Variants in MORC2 observed in about 807,000 individuals in gnomAD.
MORC2 encodes ATPase MORC2.
A neutral mutation model predicts 136.0 loss-of-function variants in MORC2; 30 were observed. The ratio of observed to expected loss-of-function variants is 0.22; its 90% confidence interval spans 0.17 to 0.30. The LOEUF is 0.30. MORC2 is among the 10% of genes least tolerant of loss of function. The pLI is 1.00. For synonymous variants in MORC2, 439 were observed against 487.0 expected (o/e 0.90, Z 1.30); for missense variants, 922 against 1,333.1 (o/e 0.69, Z 4.80).
Position 30,926,550 on chromosome 22 carries a change from CAAAAAAAAAAAAAAAAAAAAAAAAAA to C in MORC2, c.*227_*252del. On this transcript the variant is annotated 3_prime_UTR_variant, in exon 26 of 26. Transcript: ENST00000397641. ...AAGGTTCTCTGTCCTTTGCAGTCACCAAAAAAAAAAAAAAAAAAAAAAAAAAAAAAAAAAAAGTATGGTCTCACAGG... is the reference window on the plus strand; with the variant it reads ...AAGGTTCTCTGTCCTTTGCAGTCACCAAAAAAAAAAGTATGGTCTCACAGG... 4.4e-5 allele frequency: 1 copy of C among 22,540 alleles called. No individual in the cohort carries two copies. Among genetic ancestry groups the C allele is most frequent in the Non-Finnish European group, 8.0e-5 (1 of 12,460 alleles). 1.4% of individuals were successfully genotyped at this position (22,540 alleles called of 1,614,324 possible).
At chr22:30,953,048 A>C (rs2040914429) in intron 3 of MORC2, among the ~76,000 whole-genome samples, 1 of 152,210 alleles carries the variant, frequency 6.6e-6, no homozygotes, top group South Asian at 2.1e-4. Flanking sequence ...TGATATTGAC[A>C]ACATCTGTGG....
chr22:30,963,175 A>C (rs955524053), intron 1 of MORC2: 13 of 281,262 alleles, frequency 4.6e-5, no homozygotes, highest in Admixed American at 6.5e-5. Flanking sequence ...ACGGGGTTTC[A>C]CCATGTTAAC....
In MORC2 at chr22:30,925,840, T is replaced by C. The variant is rs895698578; in HGVS notation, c.*963A>G. 2.0e-5 allele frequency: 3 copies of C among 153,382 alleles called. No individual in the cohort carries two copies. The highest frequency in any genetic ancestry group is 7.2e-5 in the African/African-American group (3 of 41,456). 9.5% of individuals were successfully genotyped at this position (153,382 alleles called of 1,614,324 possible). A position where few individuals can be genotyped will look rare whatever the true frequency, so the allele number is the denominator to read the frequency against. On this transcript the variant is annotated 3_prime_UTR_variant, in exon 26 of 26. Transcript: ENST00000397641. ...TGCAGAGATGCCTCTGGAGTCCCTGTGGCCACGGGATCTCACTGGCCCCCT... is the reference window on the plus strand; with the variant it reads ...TGCAGAGATGCCTCTGGAGTCCCTGCGGCCACGGGATCTCACTGGCCCCCT...
intron 1 of MORC2, among the ~76,000 whole-genome samples, chr22:30,960,829 T>G (rs1318382528): frequency 3.0e-5 from 4 of 133,874 alleles, no homozygotes; most frequent in South Asian, 2.4e-4. Flanking sequence ...AAAAAAAAAG[T>G]CCATAAAACA....
intron 5 of MORC2, among the ~76,000 whole-genome samples, chr22:30,949,380 G>A (rs932760517): frequency 6.6e-6 from 1 of 152,184 alleles, no homozygotes; most frequent in Non-Finnish European, 1.5e-5. Flanking sequence ...AGGGAACACT[G>A]CTGCACAGTA....
At chr22:30,927,020 T>C (rs2040494809) in intron 25 of MORC2, 149 bp from the exon 26 acceptor site, 1 of 620,514 alleles carries the variant, frequency 1.6e-6, no homozygotes, top group African/African-American at 1.8e-5. Flanking sequence ...CTGTCCTGTC[T>C]TAATCACTCT....
At chr22:30,950,353 C>CCCCAAAAAAAAAAAAAA in intron 4 of MORC2, 24 bp downstream of exon 4, 1 of 1,481,950 alleles carries the variant, frequency 6.7e-7, no homozygotes, top group Non-Finnish European at 9.4e-7. Flanking sequence ...CCCCACCCCC[C>CCCCAAAAAAAAAAAAAA]AAAACAATAA....
chr22:30,925,457 T>TG lies in MORC2; in HGVS notation c.*1345dup, dbSNP rs941674340. 1 of 160,376 alleles carries TG rather than the reference T, an allele frequency of 6.2e-6. No homozygotes were observed. The highest frequency in any genetic ancestry group is 1.4e-5 in the Non-Finnish European group (1 of 72,294). 9.9% of individuals were successfully genotyped at this position (160,376 alleles called of 1,614,324 possible). On this transcript the variant is annotated 3_prime_UTR_variant, in exon 26 of 26. Coordinates refer to ENST00000397641, the MANE Select transcript of MORC2 (RefSeq NM_001303256.3). The stretch of plus-strand genomic sequence containing the variant: ...AAACCCACCAGACAGGCACATCCAG[T>TG]GGGGAAAAGACTTCCCATTCCAGTG...
chr22:30,958,239 T>C (rs1260118095), intron 2 of MORC2, among the ~76,000 whole-genome samples: 2 of 152,210 alleles, frequency 1.3e-5, no homozygotes, highest in Admixed American at 6.5e-5. Flanking sequence ...CACAGAACTT[T>C]GGCATAGTTT....
intron 3 of MORC2, 82 bp downstream of exon 3, chr22:30,956,681 A>G (rs2040972091): frequency 8.6e-7 from 1 of 1,159,402 alleles, no homozygotes; most frequent in African/African-American, 1.6e-5. Context: ...GAATCCAGTT[A>G]TTTCCCACTC....
intron 4 of MORC2, 41 bp downstream of exon 4, chr22:30,950,336 C>CGGGGGGGGGGGGGG: frequency 1.3e-6 from 1 of 764,020 alleles, no homozygotes; most frequent in Non-Finnish European, 2.4e-6. Context: ...ATGGTTACAT[C>CGGGGGGGGGGGGGG]GCACCCCCCC....
chr22:30,967,689 T>C, intron 1 of MORC2, 133 bp downstream of exon 1: 5 of 1,479,348 alleles, frequency 3.4e-6, no homozygotes, highest in Non-Finnish European at 4.5e-6. Context: ...GCTCAAGATA[T>C]CCAGTGACAC....
Position 30,940,846 on chromosome 22 carries a change from T to C in MORC2, c.825-9A>G, listed in dbSNP as rs757773012. 6.9e-6 allele frequency: 11 copies of C among 1,605,590 alleles called. No homozygotes were observed. The highest frequency in any genetic ancestry group is 2.7e-5 in the African/African-American group (2 of 74,714). Reference sequence around the variant, plus strand: ...ACGTGTACTTGTACATCCTGATCAGTAGAAAAAGCAAGCTGATGGCCCACG... The same window carrying C: ...ACGTGTACTTGTACATCCTGATCAGCAGAAAAAGCAAGCTGATGGCCCACG... On this transcript the variant is annotated splice_polypyrimidine_tract_variant and intron_variant, in intron 9 of 25. Transcript: ENST00000397641.
At chr22:30,927,316 CCA>C (rs903525306) in intron 25 of MORC2, among the ~76,000 whole-genome samples, 11 of 152,012 alleles carry the variant, frequency 7.2e-5, no homozygotes, top group Admixed American at 5.9e-4. Flanking sequence ...CCACACCCCT[CCA>C]GTGATCTCCA....
At position 30,968,143 on chromosome 22, in the gene MORC2, G is replaced by T; in HGVS notation, c.-254C>A. ...GAAGGAACTATGTCATAAATCTGTA[G>T]CTTTAAGGAGCTTTTAGCATTAAGT... On this transcript the variant is annotated 5_prime_UTR_variant, in exon 1 of 26. Coordinates refer to ENST00000397641, the MANE Select transcript of MORC2 (RefSeq NM_001303256.3). The T allele has an allele frequency of 4.6e-6, 2 of 434,178 alleles. No homozygotes were observed. The highest frequency in any genetic ancestry group is 8.3e-6 in the Non-Finnish European group (2 of 239,786). The allele number at this position is 434,178 out of a possible 1,614,324, so 26.9% of individuals were successfully genotyped here. A position where few individuals can be genotyped will look rare whatever the true frequency, so the allele number is the denominator to read the frequency against.
intron 1 of MORC2, among the ~76,000 whole-genome samples, chr22:30,965,542 G>A (rs917327460): frequency 6.6e-6 from 1 of 152,210 alleles, no homozygotes; most frequent in African/African-American, 2.4e-5. Context: ...TCAAAAAGGA[G>A]AACAACTTCT....
chr22:30,953,600 C>G (rs1376147024), intron 3 of MORC2, among the ~76,000 whole-genome samples: 5 of 152,200 alleles, frequency 3.3e-5, no homozygotes, highest in African/African-American at 1.2e-4. Context: ...ACTCTGCAAT[C>G]TGTTTGAGCA....
chr22:30,929,395 C>T (rs1280114938), intron 24 of MORC2, among the ~76,000 whole-genome samples: 3 of 152,082 alleles, frequency 2.0e-5, no homozygotes, highest in East Asian at 1.9e-4. Flanking sequence ...GTATAAAGGA[C>T]GTAACTGACA....
intron 6 of MORC2, 47 bp downstream of exon 6, chr22:30,946,294 C>A: frequency 1.3e-6 from 2 of 1,501,678 alleles, no homozygotes; most frequent in South Asian, 1.2e-5. Flanking sequence ...CCTGGGCAGA[C>A]TCAGGAAATG....
Sources: allele counts gnomAD v4.1 joint callset (sites outside exome capture counted in the v4.1 genomes callset), GRCh38; gene constraint gnomAD v4.1.1; transcripts MANE v1.5; gene names NCBI Gene and HGNC (gene_info 2026-07-23, HGNC 2026-07-21).